Variants in ZNF213 observed in about 807,000 individuals in gnomAD.
The protein encoded by ZNF213 is putative transcription factor CR53.
In ZNF213, 32 loss-of-function variants were observed where a neutral mutation model predicts 46.0. The observed-to-expected ratio is 0.70, with a 90% confidence interval of 0.52 to 0.93. ZNF213 has a LOEUF of 0.93. ZNF213 is among the 40% of genes least tolerant of loss of function. The probability of loss-of-function intolerance (pLI) is 0.00; values close to 1 mark genes in which losing one functional copy is unlikely to be tolerated. For synonymous variants in ZNF213, 297 were observed against 271.0 expected, an observed-to-expected ratio of 1.10 and a Z score of -0.94; for missense variants, 639 against 652.8, an observed-to-expected ratio of 0.98 and a Z score of 0.23.
In ZNF213 at chr16:3,138,553, TCCGTTCTTGTGGA is replaced by T; in HGVS notation, c.523+14_523+26del. 6.2e-7 allele frequency: 1 copy of T among 1,613,994 alleles called. No homozygotes were observed. The highest frequency in any genetic ancestry group is 1.1e-5 in the South Asian group (1 of 91,084). On this transcript the variant is annotated intron_variant, in intron 3 of 5. Transcript: ENST00000396878. ...GCACAGCCATAGCGGTGAGTAAGCC[TCCGTTCTTGTGGA>T]CAGTCGAGTGGCTGGGCAGGGACCT...
rs756653285 is a variant in ZNF213, at chr16:3,140,744, G to A, written c.777G>A (p.Val259=). 6.5e-7 allele frequency: 1 copy of A among 1,543,314 alleles called. No individual in the cohort carries two copies. Among genetic ancestry groups the A allele is most frequent in the Admixed American group, 2.2e-5 (1 of 44,994 alleles). Residue 259 remains valine, a synonymous_variant, in exon 6 of 6, where the codon GTG becomes GTA. Coordinates refer to ENST00000396878, the MANE Select transcript of ZNF213 (RefSeq NM_004220.3). ...CCCTGCTGCAGGAGATGGTGCCGGT[G>A]GTGCCAGGCCAGACAGGCAGCGACG... The part of the protein sequence containing the change: ...EKSLLQEMVP[V]VPGQTGSDVT...
chr16:3,138,204 G>C, intron 2 of ZNF213: 1 of 944,256 alleles, frequency 1.1e-6, no homozygotes, highest in Non-Finnish European at 1.5e-6. Context: ...TTCAGGGCTG[G>C]TTCTTGCCTC....
intron 1 of ZNF213, 100 bp from the exon 2 acceptor site, chr16:3,137,066 G>A (rs1270690731): frequency 1.6e-5 from 9 of 570,904 alleles, no homozygotes; most frequent in Admixed American, 3.6e-5. Context: ...AAGGCTTCAG[G>A]GCCATGAAAG....
chr16:3,137,709 C>G, intron 2 of ZNF213, 30 bp downstream of exon 2: 2 of 1,607,700 alleles, frequency 1.2e-6, no homozygotes, highest in Admixed American at 1.7e-5. Context: ...CCAGGGGCAC[C>G]TGGATGGTAT....
Position 3,142,118 on chromosome 16 carries a change from CTCAGCACTAGCACTCCA to C in ZNF213, c.*785_*801del, listed in dbSNP as rs1425252118. The stretch of plus-strand genomic sequence containing the variant: ...CCTCCAGAGGTGGGGCTGCACCAGA[CTCAGCACTAGCACTCCA>C]TCAGCACTAGCACCTCACTCCATCA... On this transcript the variant is annotated 3_prime_UTR_variant, in exon 6 of 6. Coordinates refer to ENST00000396878, the MANE Select transcript of ZNF213 (RefSeq NM_004220.3). 24 of 161,132 alleles carry C rather than the reference CTCAGCACTAGCACTCCA, an allele frequency of 1.5e-4. No homozygotes were observed. Among genetic ancestry groups the C allele is most frequent in the African/African-American group, 5.3e-4 (22 of 41,512 alleles). 10.0% of individuals were successfully genotyped at this position (161,132 alleles called of 1,614,324 possible). A position where few individuals can be genotyped will look rare whatever the true frequency, so the allele number is the denominator to read the frequency against.
chr16:3,139,353 C>A, intron 5 of ZNF213: 1 of 500,658 alleles, frequency 2.0e-6, no homozygotes, highest in South Asian at 2.4e-5. Flanking sequence ...CAACCTAGTG[C>A]ATGGAAGTAT....
intron 1 of ZNF213, among the ~76,000 whole-genome samples, chr16:3,136,126 C>T (rs752968604): frequency 6.6e-6 from 1 of 152,068 alleles, no homozygotes; most frequent in Non-Finnish European, 1.5e-5. Context: ...CCACCAAGCC[C>T]GGCCAGTTTG....
chr16:3,141,354 G>C lies in ZNF213; in HGVS notation c.*7G>C. ...GGCCCAGCCCGTGGGGTGAGCAGCTGGCTTGGCCGGAAACCCGGGGGAGGC... is the reference window on the plus strand; with the variant it reads ...GGCCCAGCCCGTGGGGTGAGCAGCTCGCTTGGCCGGAAACCCGGGGGAGGC... On this transcript the variant is annotated 3_prime_UTR_variant, in exon 6 of 6. Coordinates refer to ENST00000396878, the MANE Select transcript of ZNF213 (RefSeq NM_004220.3). 6.5e-7 allele frequency: 1 copy of C among 1,537,178 alleles called. No individual in the cohort carries two copies. Among genetic ancestry groups the C allele is most frequent in the South Asian group, 1.2e-5 (1 of 81,236 alleles).
rs1957556411 is a variant in ZNF213, at chr16:3,137,690, C to A, written c.399+11C>A. ...AAAGCCTGGCGACAGGTGAGGGGCC[C>A]TTCCACATCCAGGGGCACCTGGATG... On this transcript the variant is annotated intron_variant, in intron 2 of 5. Transcript: ENST00000396878. The A allele has an allele frequency of 3.7e-6, 6 of 1,611,910 alleles. No individual in the cohort carries two copies. The highest frequency in any genetic ancestry group is 5.1e-6 in the Non-Finnish European group (6 of 1,179,318).
chr16:3,137,559 CCT>C lies in ZNF213; in HGVS notation c.280_281del (p.Leu94AspfsTer13). On this transcript the variant is annotated frameshift_variant, in exon 2 of 6. Coordinates refer to ENST00000396878, the MANE Select transcript of ZNF213 (RefSeq NM_004220.3). LOFTEE classifies it high-confidence loss of function. Reference sequence around the variant, plus strand: ...TGGAGCTGCTGGTGCTGGAGCAGTTCCTGACAGTGCTGCCAGGGGAGATCCAG... The same window carrying C: ...TGGAGCTGCTGGTGCTGGAGCAGTTCGACAGTGCTGCCAGGGGAGATCCAG... Reference protein sequence around the residue: ...ILELLVLEQFLTVLPGEIQGW... With the variant: ...ILELLVLEQFXTVLPGEIQGW... The C allele has an allele frequency of 6.2e-7, 1 of 1,614,060 alleles. No homozygotes were observed. The highest frequency in any genetic ancestry group is 1.1e-5 in the South Asian group (1 of 91,086).
rs763685771 is a variant in ZNF213 at position 3,141,178 on chromosome 16, G to A, written c.1211G>A (p.Ser404Asn). ...ACGGGCGAGAAGCCTTTCGGCTGCA[G>A]CGACTGCGGCAAGAGCTTCTCGCTG... Reference protein sequence around the residue: ...IHTGEKPFGCSDCGKSFSLRS... With the variant: ...IHTGEKPFGCNDCGKSFSLRS... The change falls in exon 6 of 6, where the codon AGC becomes AAC. Residue 404 changes from serine (S) to asparagine (N), a missense_variant. Physicochemically the swap from Ser to Asn is conservative, Grantham distance 46. Transcript: ENST00000396878. 1.4e-5 allele frequency: 23 copies of A among 1,612,292 alleles called. No individual in the cohort carries two copies. The Admixed American group carries it at 3.0e-4, about 21-fold the overall frequency.
chr16:3,138,788 G>T lies in ZNF213; in HGVS notation c.567G>T (p.Thr189=), dbSNP rs35931391. 6.2e-7 allele frequency: 1 copy of T among 1,613,798 alleles called. No homozygotes were observed. The highest frequency in any genetic ancestry group is 1.7e-5 in the Admixed American group (1 of 59,900). Reference sequence around the variant, plus strand: ...TTAAAGAGGGTCGTCCCGGAGAGACGACGGACACCTGCTTTGTCTCTGGGG... The same window carrying T: ...TTAAAGAGGGTCGTCCCGGAGAGACTACGGACACCTGCTTTGTCTCTGGGG... ...ALLKEGRPGE[T]TDTCFVSGVH... is the part of the protein sequence containing the mutation. Residue 189 remains threonine, a synonymous_variant, in exon 4 of 6, where the codon ACG becomes ACT. Transcript: ENST00000396878.
rs773992805 is a variant in ZNF213, at chr16:3,137,627, C to A, written c.347C>A (p.Ala116Asp). The change falls in exon 2 of 6, where the codon GCT (alanine) becomes GAT (aspartate). Residue 116 changes from alanine (A) to aspartate (D), a missense_variant. Coordinates refer to ENST00000396878, the MANE Select transcript of ZNF213 (RefSeq NM_004220.3). ...CAGCACCCGGGAAGCGGTGAGGAGG[C>A]TGTCGCCTTGGTGGAGGACCTACAG... is the stretch of plus-strand genomic sequence containing the variant. ...REQHPGSGEE[A>D]VALVEDLQKQ... The A allele has an allele frequency of 5.0e-6, 8 of 1,613,894 alleles. No homozygotes were observed. The highest frequency in any genetic ancestry group is 6.8e-6 in the Non-Finnish European group (8 of 1,180,026).
At position 3,135,078 on chromosome 16, in the gene ZNF213, C is replaced by T. The variant is rs1301100393; in HGVS notation, c.-425C>T. On this transcript the variant is annotated 5_prime_UTR_variant, in exon 1 of 6. Coordinates refer to ENST00000396878, the MANE Select transcript of ZNF213 (RefSeq NM_004220.3). The stretch of plus-strand genomic sequence containing the variant: ...GCGGCGGAAGTGGGATCTCCTGGGC[C>T]GTAGTGGGCGTTGTGTGTTTCGGGG... The T allele has an allele frequency of 1.1e-5, 1 of 95,148 alleles. No individual in the cohort carries two copies. The highest frequency in any genetic ancestry group is 2.0e-5 in the Non-Finnish European group (1 of 50,778). The allele number at this position is 95,148 out of a possible 1,614,324, so 5.9% of individuals were successfully genotyped here. A position where few individuals can be genotyped will look rare whatever the true frequency, so the allele number is the denominator to read the frequency against.
intron 1 of ZNF213, among the ~76,000 whole-genome samples, chr16:3,136,546 T>A (rs1957539784): frequency 6.6e-6 from 1 of 152,080 alleles, no homozygotes; most frequent in African/African-American, 2.4e-5. Flanking sequence ...TGAAACCTCG[T>A]CTCTACTAAA....
chr16:3,139,628 C>CTCTGTCCAGATCTGTCCAGA (rs60541271), intron 5 of ZNF213: 1 of 153,790 alleles, frequency 6.5e-6, no homozygotes, highest in Non-Finnish European at 1.4e-5. Context: ...GGGCTGCGAC[C>CTCTGTCCAGATCTGTCCAGA]TCTGTCCAGA....
Position 3,140,874 on chromosome 16 carries a change from A to C in ZNF213, c.907A>C (p.Thr303Pro), listed in dbSNP as rs948290447. 4.4e-6 allele frequency: 7 copies of C among 1,575,272 alleles called. No individual in the cohort carries two copies. Among genetic ancestry groups the C allele is most frequent in the Non-Finnish European group, 6.0e-6 (7 of 1,164,824 alleles). ...GGGCGCGCGACGGGGGCGGCCACCC[A>C]CTCGCCGGCGCCAGTTCCGGGACCT... Reference protein sequence around the residue: ...VVGARRGRPPTRRRQFRDLAA... With the variant: ...VVGARRGRPPPRRRQFRDLAA... The change falls in exon 6 of 6, where the codon ACT becomes CCT. Residue 303 changes from threonine (T) to proline (P), a missense_variant. Coordinates refer to ENST00000396878, the MANE Select transcript of ZNF213 (RefSeq NM_004220.3).
At chr16:3,136,750 G>A (rs1009288335) in intron 1 of ZNF213, among the ~76,000 whole-genome samples, 1 of 151,552 alleles carries the variant, frequency 6.6e-6, no homozygotes, top group Non-Finnish European at 1.5e-5. Context: ...TTTAATTGAT[G>A]TATAATGTGC....
At chr16:3,137,712 G>T in intron 2 of ZNF213, 33 bp downstream of exon 2, 1 of 1,605,142 alleles carries the variant, frequency 6.2e-7, no homozygotes, top group Non-Finnish European at 8.5e-7. Context: ...GGGGCACCTG[G>T]ATGGTATCTG....
Sources: allele counts gnomAD v4.1 joint callset (sites outside exome capture counted in the v4.1 genomes callset), GRCh38; gene constraint gnomAD v4.1.1; transcripts MANE v1.5; gene names NCBI Gene and HGNC (gene_info 2026-07-23, HGNC 2026-07-21).